BTBD7: variants seen among roughly 807,000 people sequenced by gnomAD.
The protein encoded by BTBD7 is BTB domain containing 7, also known as BTB/POZ domain-containing protein 7.
A neutral mutation model predicts 99.9 loss-of-function variants in BTBD7; 38 were observed. The observed-to-expected ratio is 0.38, with a 90% CI of 0.29 to 0.50. BTBD7 has a LOEUF of 0.50. BTBD7 is among the 20% of genes least tolerant of loss of function. The pLI is 0.93. For synonymous variants in BTBD7, 520 were observed against 511.4 expected, an observed-to-expected ratio of 1.02 and a Z score of -0.23; for missense variants, 1,170 against 1,394.6, an observed-to-expected ratio of 0.84 and a Z score of 2.57.
At position 93,294,017 on chromosome 14, in the gene BTBD7, C is replaced by T. The variant is rs1249427532; in HGVS notation, c.1003G>A (p.Asp335Asn). The change falls in exon 3 of 11, where the codon GAC becomes AAC. Residue 335 changes from aspartate (D) to asparagine (N), a missense_variant. Physicochemically the swap from Asp to Asn is conservative, Grantham distance 23. This residue lies in a region of BTBD7 where 359 missense variants were observed against 497.9 expected (regional missense o/e 0.72). Coordinates refer to ENST00000334746, the MANE Select transcript of BTBD7 (RefSeq NM_001002860.4). The part of the protein sequence containing the change: ...ATVILHCMYT[D>N]VVDLSVLHCS... ...TGCAAAACAGAGAGGTCCACCACGT[C>T]GGTATACATACAGTGTAATATCACT... is the stretch of plus-strand genomic sequence containing the variant. The T allele has an allele frequency of 6.8e-6, 11 of 1,613,788 alleles. No individual in the cohort carries two copies. The highest frequency in any genetic ancestry group is 8.5e-7 in the Non-Finnish European group (1 of 1,179,872).
intron 6 of BTBD7, chr14:93,256,065 C>T (rs915703404): frequency 5.9e-5 from 9 of 152,132 alleles, no homozygotes; most frequent in African/African-American, 2.2e-4. Flanking sequence ...CCCATAAATA[C>T]TTCTTGAAAA....
At position 93,239,200 on chromosome 14, in the gene BTBD7, A is replaced by C. The variant is rs1336903284; in HGVS notation, c.*3073T>G. 1 of 152,590 alleles carries C rather than the reference A, an allele frequency of 6.6e-6. No individual in the cohort carries two copies. Among genetic ancestry groups the C allele is most frequent in the Non-Finnish European group, 1.5e-5 (1 of 68,030 alleles). 9.5% of individuals were successfully genotyped at this position (152,590 alleles called of 1,614,324 possible). A position where few individuals can be genotyped will look rare whatever the true frequency, so the allele number is the denominator to read the frequency against. On this transcript the variant is annotated 3_prime_UTR_variant, in exon 11 of 11. Transcript: ENST00000334746. Reference sequence around the variant, plus strand: ...TATTCATCAAAATCACAAAACTAAAACAATAACATAAGAAAAAAGACCAAC... The same window carrying C: ...TATTCATCAAAATCACAAAACTAAACCAATAACATAAGAAAAAAGACCAAC...
chr14:93,291,416 C>T (rs982165700), intron 3 of BTBD7, among the ~76,000 whole-genome samples: 3 of 152,168 alleles, frequency 2.0e-5, no homozygotes, highest in African/African-American at 7.2e-5. Context: ...CCCAGTCTGT[C>T]TGGTTTTAGA....
intron 1 of BTBD7, among the ~76,000 whole-genome samples, chr14:93,298,047 C>CTT (rs34985437): frequency 4.0e-5 from 6 of 151,798 alleles, no homozygotes; most frequent in Non-Finnish European, 8.8e-5. Flanking sequence ...ATTATTATTT[C>CTT]TTTTTTTTGT....
chr14:93,257,574 T>C (rs1468290862), intron 5 of BTBD7, among the ~76,000 whole-genome samples: 1 of 152,258 alleles, frequency 6.6e-6, no homozygotes, highest in African/African-American at 2.4e-5. Flanking sequence ...AAAATTATTT[T>C]ATCACTGCTC....
chr14:93,253,757 C>A lies in BTBD7; in HGVS notation c.1642G>T (p.Asp548Tyr). The change falls in exon 7 of 11, where the codon GAT becomes TAT. Residue 548 changes from aspartate (D) to tyrosine (Y), a missense_variant. Around this residue, in one of 4 missense-constraint regions of BTBD7, gnomAD observed 309 missense variants for 342.0 expected, o/e 0.90. Transcript: ENST00000334746. The stretch of plus-strand genomic sequence containing the variant: ...CCACCTTCTGTTGTAGGAAGCATAT[C>A]TGATGGAGGAGTACTAATCAAGCCT... ...KRGLISTPPS[D>Y]MLPTTEGGKS... is the part of the protein sequence containing the mutation. 6.2e-7 allele frequency: 1 copy of A among 1,611,204 alleles called. No homozygotes were observed. The highest frequency in any genetic ancestry group is 8.5e-7 in the Non-Finnish European group (1 of 1,178,114).
At chr14:93,265,923 A>G (rs1191338375) in intron 3 of BTBD7, among the ~76,000 whole-genome samples, 1 of 152,160 alleles carries the variant, frequency 6.6e-6, no homozygotes, top group Non-Finnish European at 1.5e-5. Flanking sequence ...CTCTGTCTCG[A>G]AACAAACAAA....
chr14:93,295,356 C>A (rs1206900952), intron 2 of BTBD7, among the ~76,000 whole-genome samples: 1 of 152,132 alleles, frequency 6.6e-6, no homozygotes. Flanking sequence ...AACTCCTGTC[C>A]TGGCCTCATG....
chr14:93,279,389 G>A (rs971904953), intron 3 of BTBD7, among the ~76,000 whole-genome samples: 3 of 151,990 alleles, frequency 2.0e-5, no homozygotes, highest in Non-Finnish European at 4.4e-5. Context: ...CCTACTCCAG[G>A]TCTCATTGTC....
intron 10 of BTBD7, among the ~76,000 whole-genome samples, chr14:93,243,415 G>T (rs943199732): frequency 2.6e-5 from 4 of 152,026 alleles, no homozygotes; most frequent in Non-Finnish European, 4.4e-5. Context: ...GGATGGTCTC[G>T]ATCTCCTGAC....
chr14:93,323,444 A>G (rs2053292420), intron 1 of BTBD7, among the ~76,000 whole-genome samples: 1 of 152,208 alleles, frequency 6.6e-6, no homozygotes, highest in Non-Finnish European at 1.5e-5. Flanking sequence ...TGTCATAGCT[A>G]TCACTAACAT....
intron 9 of BTBD7, 42 bp from the exon 10 acceptor site, chr14:93,246,328 A>G (rs1378858506): frequency 7.5e-6 from 11 of 1,473,240 alleles, no homozygotes; most frequent in Non-Finnish European, 9.9e-6. Context: ...ATTTATTAGC[A>G]GATTTCATAA....
rs1566833212 is a variant in BTBD7 at position 93,245,854 on chromosome 14, C to A, written c.2554G>T (p.Ala852Ser). Reference sequence around the variant, plus strand: ...TGCTTCTCAGATGCTGCTGCTGCTGCTGCTGTTGCTGTTGAGGTGGTGGTG... The same window carrying A: ...TGCTTCTCAGATGCTGCTGCTGCTGATGCTGTTGCTGTTGAGGTGGTGGTG... ...AATTTSTATA[A>S]AAAASEKQVR... The change falls in exon 10 of 11, where the codon GCA becomes TCA. Residue 852 changes from alanine (A) to serine (S), a missense_variant. This residue lies in a region of BTBD7 where 495 missense variants were observed against 525.9 expected (regional missense o/e 0.94). Transcript: ENST00000334746. 6.2e-7 allele frequency: 1 copy of A among 1,613,394 alleles called. No individual in the cohort carries two copies. The highest frequency in any genetic ancestry group is 1.7e-5 in the Admixed American group (1 of 60,010).
intron 3 of BTBD7, among the ~76,000 whole-genome samples, chr14:93,290,029 G>A (rs1458199466): frequency 6.6e-6 from 1 of 151,476 alleles, no homozygotes; most frequent in East Asian, 1.9e-4. Flanking sequence ...ACTAATTTTT[G>A]TAGTTAGAGA....
At chr14:93,249,231 G>A (rs75922301) in intron 8 of BTBD7, among the ~76,000 whole-genome samples, 1,996 of 130,886 alleles carry the variant, frequency 0.015, 50 homozygotes, top group African/African-American at 0.056. Flanking sequence ...TGTACACAGA[G>A]CAGATTCTTG....
At chr14:93,294,998 A>G (rs1389594221) in intron 2 of BTBD7, 61 bp from the exon 3 acceptor site, 9 of 1,437,522 alleles carry the variant, frequency 6.3e-6, no homozygotes, top group Non-Finnish European at 7.3e-6. Flanking sequence ...TTCAACGTTT[A>G]ACATTTTTCA....
rs184004575 is a variant in BTBD7 at position 93,287,056 on chromosome 14, C to T, written c.1162+6802G>A. 1.5e-3 allele frequency among the ~76,000 whole-genome samples: 224 copies of T among 151,948 alleles called. 1 individual carries two copies. Among genetic ancestry groups the T allele is most frequent in the African/African-American group, 5.0e-3 (209 of 41,420 alleles). ...CAGCCTGGCCAACAGAGCAGATCCC[C>T]GTCTCTACTAAAAACACAAAAAATT... is the stretch of plus-strand genomic sequence containing the variant. On this transcript the variant is annotated intron_variant, in intron 3 of 10. Transcript: ENST00000334746.
In BTBD7 at chr14:93,263,996, A is replaced by G. The variant is rs1184753646; in HGVS notation, c.1163-3T>C. 6.2e-7 allele frequency: 1 copy of G among 1,611,780 alleles called. No individual in the cohort carries two copies. Among genetic ancestry groups the G allele is most frequent in the African/African-American group, 1.3e-5 (1 of 74,908 alleles). ...CTCAGCAATGATATCCTCACAGCCT[A>G]AAAGAGAAGGCAAATACTTCTTGAG... is the stretch of plus-strand genomic sequence containing the variant. On this transcript the variant is annotated splice_region_variant and splice_polypyrimidine_tract_variant and intron_variant, in intron 3 of 10. Coordinates refer to ENST00000334746, the MANE Select transcript of BTBD7 (RefSeq NM_001002860.4).
At chr14:93,266,308 G>T (rs2052542957) in intron 3 of BTBD7, among the ~76,000 whole-genome samples, 1 of 152,014 alleles carries the variant, frequency 6.6e-6, no homozygotes, top group African/African-American at 2.4e-5. Flanking sequence ...TGTCATTCTG[G>T]GCCCCGTGGG....
Sources: gnomAD v4.1 joint callset for allele counts (sites outside exome capture counted in the v4.1 genomes callset) on GRCh38, gnomAD v4.1.1 for gene constraint, gnomAD v4.1.1 regional missense constraint, MANE v1.5 for transcripts, NCBI Gene and HGNC (gene_info 2026-07-23, HGNC 2026-07-21) for gene names.